The following HIPK2 variants were observed in gnomAD, a reference collection of about 807,000 sequenced individuals.
The protein encoded by HIPK2 is homeodomain interacting protein kinase 2, also known as homeodomain-interacting protein kinase 2.
HIPK2 carries 27 observed loss-of-function variants against 113.7 expected under a neutral mutation model. The observed-to-expected ratio is 0.24, with a 90% CI of 0.17 to 0.33. The LOEUF (loss-of-function observed/expected upper bound fraction) is 0.33. HIPK2 is among the 10% of genes least tolerant of loss of function. The pLI is 1.00. For missense variants in HIPK2, 1,257 were observed against 1,588.0 expected, an observed-to-expected ratio of 0.79 and a Z score of 3.54; for synonymous variants, 631 against 642.2, an observed-to-expected ratio of 0.98 and a Z score of 0.26.
At chr7:139,633,647 T>TAA (rs1293191453) in intron 2 of HIPK2, among the ~76,000 whole-genome samples, 23 of 130,860 alleles carry the variant, frequency 1.8e-4, no homozygotes, top group East Asian at 1.6e-3. Flanking sequence ...CCCTGTTTCT[T>TAA]AAAAAAAAAA....
At chr7:139,707,650 A>G (rs1191037121) in intron 2 of HIPK2, among the ~76,000 whole-genome samples, 2 of 152,208 alleles carry the variant, frequency 1.3e-5, no homozygotes, top group African/African-American at 4.8e-5. Context: ...GGGGACAGAT[A>G]CTGCAGAGCC....
At chr7:139,736,849 T>G (rs116629466) in intron 1 of HIPK2, among the ~76,000 whole-genome samples, 2 of 152,128 alleles carry the variant, frequency 1.3e-5, no homozygotes, top group Non-Finnish European at 2.9e-5. Context: ...AACGGCTGGA[T>G]GCAGGGAAGC....
intron 1 of HIPK2, among the ~76,000 whole-genome samples, chr7:139,727,103 C>T (rs144341990): frequency 9.8e-4 from 149 of 152,270 alleles, no homozygotes; most frequent in African/African-American, 3.4e-3. Flanking sequence ...GAAATGGAGT[C>T]CCCGTGGGTA....
intron 12 of HIPK2, among the ~76,000 whole-genome samples, chr7:139,595,406 T>C (rs1799169123): frequency 6.6e-6 from 1 of 152,084 alleles, no homozygotes; most frequent in Non-Finnish European, 1.5e-5. Context: ...GAGGCTGTCA[T>C]CAAAAAGGGA....
chr7:139,650,244 G>C (rs907892043), intron 2 of HIPK2, among the ~76,000 whole-genome samples: 4 of 150,690 alleles, frequency 2.7e-5, no homozygotes, highest in Non-Finnish European at 5.9e-5. Context: ...CAGCTACTTA[G>C]GAAGCTGAGG....
Position 139,716,595 on chromosome 7 carries a change from A to G in HIPK2, c.440T>C (p.Ile147Thr). Reference protein sequence around the residue: ...EIENTSSVQIIEEHPPMIQNN... With the variant: ...EIENTSSVQITEEHPPMIQNN... ...CTGAATCATGGGTGGATGCTCCTCG[A>G]TGATCTGCACGCTGCTTGTGTTCTC... is the stretch of plus-strand genomic sequence containing the variant. Residue 147 changes from isoleucine (I) to threonine (T), a missense_variant, in exon 2 of 15, where the codon ATC becomes ACC. By Grantham distance (89) the Ile-to-Thr change is moderately conservative (BLOSUM62 -1). Coordinates refer to ENST00000406875, the MANE Select transcript of HIPK2 (RefSeq NM_022740.5). This position sits in a 1 kb window ranked among gnomAD's most constrained non-coding sequence, Gnocchi z 9.3. 6.2e-7 allele frequency: 1 copy of G among 1,613,964 alleles called. No individual in the cohort carries two copies. Among genetic ancestry groups the G allele is most frequent in the Non-Finnish European group, 8.5e-7 (1 of 1,179,884 alleles).
chr7:139,693,473 T>TG (rs1222825916), intron 2 of HIPK2, among the ~76,000 whole-genome samples: 1 of 152,168 alleles, frequency 6.6e-6, no homozygotes, highest in African/African-American at 2.4e-5. Context: ...AACGTGTGTC[T>TG]GGGGGTCAGA....
intron 12 of HIPK2, among the ~76,000 whole-genome samples, chr7:139,596,104 G>A (rs1244097745): frequency 1.3e-5 from 2 of 152,190 alleles, no homozygotes; most frequent in Admixed American, 6.5e-5. Flanking sequence ...AAGTCTGGCT[G>A]GGCAGTACAG....
intron 10 of HIPK2, 79 bp from the exon 11 acceptor site, chr7:139,600,675 C>G: frequency 6.7e-7 from 1 of 1,490,854 alleles, no homozygotes; most frequent in African/African-American, 1.4e-5. Context: ...AGCTTCCTCC[C>G]CAATTAAACG....
At chr7:139,775,636 A>C (rs1163718412) in intron 1 of HIPK2, among the ~76,000 whole-genome samples, 2 of 152,198 alleles carry the variant, frequency 1.3e-5, no homozygotes, top group African/African-American at 4.8e-5. Flanking sequence ...GAAGGCTGGC[A>C]AATAAAAACA....
chr7:139,737,589 G>GGGCC (rs1795973929), intron 1 of HIPK2, among the ~76,000 whole-genome samples: 2 of 152,208 alleles, frequency 1.3e-5, no homozygotes, highest in Non-Finnish European at 2.9e-5. Context: ...AGGAAAATGA[G>GGGCC]CTGCCAAGGG....
At chr7:139,725,164 C>A (rs1020468455) in intron 1 of HIPK2, among the ~76,000 whole-genome samples, 6 of 152,112 alleles carry the variant, frequency 3.9e-5, no homozygotes, top group South Asian at 2.1e-4. Context: ...TGGGGATTGC[C>A]AAGTACAATG....
intron 1 of HIPK2, among the ~76,000 whole-genome samples, chr7:139,730,373 T>C (rs1795736675): frequency 6.6e-6 from 1 of 152,078 alleles, no homozygotes; most frequent in African/African-American, 2.4e-5. Flanking sequence ...TCTTTTTTTT[T>C]TTTTGGAGAC....
At chr7:139,623,248 C>A (rs977767738) in intron 6 of HIPK2, among the ~76,000 whole-genome samples, 2 of 152,144 alleles carry the variant, frequency 1.3e-5, no homozygotes, top group African/African-American at 4.8e-5. Flanking sequence ...CGGTGGCTCA[C>A]GCCTGTAATC....
At chr7:139,720,608 C>T (rs1795379826) in intron 1 of HIPK2, among the ~76,000 whole-genome samples, 1 of 152,170 alleles carries the variant, frequency 6.6e-6, no homozygotes, top group Admixed American at 6.5e-5. Flanking sequence ...ATGGCTATTC[C>T]CTATTTATCA....
At chr7:139,662,903 G>C (rs1400030221) in intron 2 of HIPK2, among the ~76,000 whole-genome samples, 1 of 152,144 alleles carries the variant, frequency 6.6e-6, no homozygotes, top group Non-Finnish European at 1.5e-5. Context: ...ACAGGCATGA[G>C]CCATCGTGCC....
chr7:139,716,725 T>C lies in HIPK2; in HGVS notation c.310A>G (p.Thr104Ala), dbSNP rs770917545. The C allele has an allele frequency of 1.2e-6, 2 of 1,613,922 alleles. No individual in the cohort carries two copies. The highest frequency in any genetic ancestry group is 1.7e-6 in the Non-Finnish European group (2 of 1,179,864). Residue 104 changes from threonine (T) to alanine (A), a missense_variant, in exon 2 of 15, where the codon ACC becomes GCC. Around this residue, in one of 5 missense-constraint regions of HIPK2, gnomAD observed 209 missense variants for 237.8 expected, o/e 0.88. Coordinates refer to ENST00000406875, the MANE Select transcript of HIPK2 (RefSeq NM_022740.5). This position sits in a 1 kb window ranked among gnomAD's most constrained non-coding sequence, Gnocchi z 9.3. ...TGTGGTCCGCCGAGGACTTGCCCGG[T>C]GACAGAAGTGCTGCTTGCTGAGGTG... The part of the protein sequence containing the change: ...VVTSASSTSV[T>A]GQVLGGPHNL...
At chr7:139,623,954 C>T (rs1043955610) in intron 6 of HIPK2, among the ~76,000 whole-genome samples, 1 of 152,162 alleles carries the variant, frequency 6.6e-6, no homozygotes, top group Non-Finnish European at 1.5e-5. Context: ...TATTCTTTTA[C>T]ATCCCAAGTA....
chr7:139,615,957 T>C (rs1800027519), intron 7 of HIPK2, among the ~76,000 whole-genome samples: 1 of 152,144 alleles, frequency 6.6e-6, no homozygotes, highest in African/African-American at 2.4e-5. Flanking sequence ...TGTCTGTGTT[T>C]TGTCAGATGA....
Sources: allele counts gnomAD v4.1 joint callset (sites outside exome capture counted in the v4.1 genomes callset), GRCh38; gene constraint gnomAD v4.1.1; regional missense constraint gnomAD v4.1.1; non-coding constraint Gnocchi (gnomAD v3.1); transcripts MANE v1.5; gene names NCBI Gene and HGNC (gene_info 2026-07-23, HGNC 2026-07-21).